The following FHIT variants were observed in gnomAD, a reference collection of about 807,000 sequenced individuals.
The protein encoded by FHIT is fragile histidine triad diadenosine triphosphatase.
In FHIT, 19 loss-of-function variants were observed where a neutral mutation model predicts 17.9. That is an observed-to-expected ratio of 1.06 (90% CI 0.74 to 1.56). The LOEUF (loss-of-function observed/expected upper bound fraction) is 1.56. FHIT is among the 40% of genes most tolerant of loss of function. The pLI is 0.00. For missense variants in FHIT, 248 were observed against 189.2 expected (o/e 1.31, Z -1.82); for synonymous variants, 81 against 69.7 (o/e 1.16, Z -0.81).
At chr3:60,839,208 A>G (rs1702635336) in intron 3 of FHIT, among the ~76,000 whole-genome samples, 1 of 152,198 alleles carries the variant, frequency 6.6e-6, no homozygotes. Flanking sequence ...GATTGCTACT[A>G]TAACACTCTT....
Position 60,192,151 on chromosome 3 carries a change from G to A in FHIT, c.104-177999C>T, listed in dbSNP as rs368692663. ...CTGTAATCCCAGCTACTCAGGAGGC[G>A]GAGGCAAGAGAATCGCTCGAGCCCG... On this transcript the variant is annotated intron_variant, in intron 5 of 9. Coordinates refer to ENST00000492590, the MANE Select transcript of FHIT (RefSeq NM_002012.4). Among the ~76,000 whole-genome samples, 57 of 151,498 alleles carry A rather than the reference G, an allele frequency of 3.8e-4. No individual in the cohort carries two copies. In the Middle Eastern group the frequency reaches 0.01, roughly 27 times the overall value.
At chr3:60,664,217 T>A (rs1553691873) in intron 4 of FHIT, among the ~76,000 whole-genome samples, 1 of 152,170 alleles carries the variant, frequency 6.6e-6, no homozygotes, top group African/African-American at 2.4e-5. Flanking sequence ...ATTTTTAATT[T>A]CTTCCAGTGT....
At chr3:59,892,496 T>C in intron 8 of FHIT, among the ~76,000 whole-genome samples, 1 of 152,360 alleles carries the variant, frequency 6.6e-6, no homozygotes, top group East Asian at 1.9e-4. Context: ...ACTGTAAATT[T>C]AAAGTGATCA....
chr3:60,165,490 T>C lies in FHIT; in HGVS notation c.104-151338A>G, dbSNP rs147502548. ...AAGAATGGGGAATCCGTACAGCTCA[T>C]TGTCATAAGTGATGTTATTTCCAAC... On this transcript the variant is annotated intron_variant, in intron 5 of 9. Transcript: ENST00000492590. 1.8e-3 allele frequency among the ~76,000 whole-genome samples: 269 copies of C among 152,312 alleles called. 1 individual carries two copies. Among genetic ancestry groups the C allele is most frequent in the African/African-American group, 6.0e-3 (249 of 41,576 alleles).
At chr3:60,203,155 A>G (rs1349757027) in intron 5 of FHIT, among the ~76,000 whole-genome samples, 1 of 152,224 alleles carries the variant, frequency 6.6e-6, no homozygotes, top group East Asian at 1.9e-4. Context: ...GATGCTAACT[A>G]TAGAGAGTTT....
rs61056807 is a variant in FHIT, at chr3:60,772,314, C to CTATATATATATATATATA, written c.-18+49587_-18+49604dup. On this transcript the variant is annotated intron_variant, in intron 4 of 9. Coordinates refer to ENST00000492590, the MANE Select transcript of FHIT (RefSeq NM_002012.4). ...ATTAAGTAGATTGTTCACTTCTCAT[C>CTATATATATATATATATA]TATATATATATATATATATATATAT... Among the ~76,000 whole-genome samples, 67 of 143,344 alleles carry CTATATATATATATATATA rather than the reference C, an allele frequency of 4.7e-4. 1 individual carries two copies. The highest frequency in any genetic ancestry group is 1.5e-3 in the African/African-American group (60 of 38,814). 94.0% of individuals were successfully genotyped at this position (143,344 alleles called of 152,430 possible). A position where few individuals can be genotyped will look rare whatever the true frequency, so the allele number is the denominator to read the frequency against.
At chr3:60,652,042 A>G (rs2040002371) in intron 4 of FHIT, among the ~76,000 whole-genome samples, 1 of 152,210 alleles carries the variant, frequency 6.6e-6, no homozygotes, top group Non-Finnish European at 1.5e-5. Flanking sequence ...AGCAAAGGAA[A>G]CCACAGCCTA....
chr3:60,458,744 G>A (rs1016134199), intron 5 of FHIT, among the ~76,000 whole-genome samples: 60 of 152,010 alleles, frequency 3.9e-4, no homozygotes, highest in African/African-American at 1.4e-3. Flanking sequence ...ATTCAATTAC[G>A]TTCTTCATGA....
chr3:61,018,552 G>A (rs116654281), intron 3 of FHIT, among the ~76,000 whole-genome samples: 3,554 of 152,308 alleles, frequency 0.023, 73 homozygotes, highest in Middle Eastern at 0.054. Flanking sequence ...TGGTTAGACA[G>A]TCAGATGCCC....
rs1424278008 is a variant in FHIT, at chr3:60,546,827, CGTT to C, written c.-17-9851_-17-9849del. Among the ~76,000 whole-genome samples the C allele has an allele frequency of 2.0e-5, 3 of 152,122 alleles. No homozygotes were observed. The East Asian group carries it at 5.8e-4, about 29-fold the overall frequency. On this transcript the variant is annotated intron_variant, in intron 4 of 9. Transcript: ENST00000492590. Reference sequence around the variant, plus strand: ...ATAATGAAGTATACAAAGCATGTCTCGTTGTCTGCCACATGATGTAGGTACCCT... The same window carrying C: ...ATAATGAAGTATACAAAGCATGTCTCGTCTGCCACATGATGTAGGTACCCT...
rs145602499 is a variant in FHIT at position 60,284,198 on chromosome 3, A to G, written c.103+252662T>C. ...TAACATAAACCTAAAAAGACCCTTC[A>G]TGAATGAAACACTTATTTCTCGAAA... On this transcript the variant is annotated intron_variant, in intron 5 of 9. Coordinates refer to ENST00000492590, the MANE Select transcript of FHIT (RefSeq NM_002012.4). Among the ~76,000 whole-genome samples, 375 of 152,272 alleles carry G rather than the reference A, an allele frequency of 2.5e-3. 3 individuals are homozygous for G. The highest frequency in any genetic ancestry group is 3.9e-3 in the Non-Finnish European group (265 of 67,984).
At chr3:60,636,125 C>A (rs145584607) in intron 4 of FHIT, among the ~76,000 whole-genome samples, 1 of 151,460 alleles carries the variant, frequency 6.6e-6, no homozygotes, top group Non-Finnish European at 1.5e-5. Flanking sequence ...AGTGCAGTGG[C>A]GCCATCTCAA....
At chr3:61,151,634 C>T (rs547606302) in intron 2 of FHIT, among the ~76,000 whole-genome samples, 25 of 148,406 alleles carry the variant, frequency 1.7e-4, no homozygotes, top group African/African-American at 5.7e-4. Context: ...AGTGCAGTGA[C>T]GTGATCTTGG....
rs143291529 is a variant in FHIT, at chr3:60,684,990, C to T, written c.-18+136929G>A. 7.3e-3 allele frequency among the ~76,000 whole-genome samples: 1,105 copies of T among 152,256 alleles called. 49 individuals are homozygous for T. Among genetic ancestry groups the T allele is most frequent in the Admixed American group, 0.068 (1,045 of 15,286 alleles). ...AACAGGAGATAACTTGTCCTCCCTA[C>T]GCCAGAGGGAAAGTAGCGTTCTTAT... On this transcript the variant is annotated intron_variant, in intron 4 of 9. Coordinates refer to ENST00000492590, the MANE Select transcript of FHIT (RefSeq NM_002012.4).
chr3:60,393,950 G>C (rs966829860), intron 5 of FHIT, among the ~76,000 whole-genome samples: 2 of 152,128 alleles, frequency 1.3e-5, no homozygotes, highest in African/African-American at 4.8e-5. Flanking sequence ...TCCCAGCTTG[G>C]ATTGATCCAG....
intron 7 of FHIT, among the ~76,000 whole-genome samples, chr3:59,948,886 T>C (rs1559490333): frequency 6.6e-6 from 1 of 152,220 alleles, no homozygotes; most frequent in East Asian, 1.9e-4. Flanking sequence ...TTTTCCTTTT[T>C]CAACTTTTAT....
At chr3:60,192,077 CCT>C (rs1198515260) in intron 5 of FHIT, among the ~76,000 whole-genome samples, 1 of 151,758 alleles carries the variant, frequency 6.6e-6, no homozygotes, top group African/African-American at 2.4e-5. Context: ...ATGGCGAAAC[CCT>C]GTCTCTACCA....
At chr3:60,252,787 G>C (rs1042302400) in intron 5 of FHIT, among the ~76,000 whole-genome samples, 1 of 151,642 alleles carries the variant, frequency 6.6e-6, no homozygotes, top group South Asian at 2.1e-4. Context: ...TCAGAAGATC[G>C]AGACCATCCT....
At chr3:60,033,336 A>C (rs1174962806) in intron 5 of FHIT, among the ~76,000 whole-genome samples, 1 of 152,152 alleles carries the variant, frequency 6.6e-6, no homozygotes, top group Non-Finnish European at 1.5e-5. Context: ...TCTCTACTAA[A>C]AATACAAATC....
Sources: gnomAD v4.1 joint callset for allele counts (sites outside exome capture counted in the v4.1 genomes callset) on GRCh38, gnomAD v4.1.1 for gene constraint, MANE v1.5 for transcripts, NCBI Gene and HGNC (gene_info 2026-07-23, HGNC 2026-07-21) for gene names.